Variants in HMOX2 observed in about 807,000 individuals in gnomAD.
HMOX2 encodes the protein heme oxygenase 2, also known as heme oxygenase (decycling) 2.
A neutral mutation model predicts 33.7 loss-of-function variants in HMOX2; 30 were observed. The observed-to-expected ratio is 0.89, with a 90% CI of 0.67 to 1.21. The LOEUF (loss-of-function observed/expected upper bound fraction) is 1.21. Ranked by LOEUF, HMOX2 falls within the 50% of genes most tolerant of loss-of-function variation. HMOX2 has a pLI of 0.00. For synonymous variants in HMOX2, 155 were observed against 155.0 expected (o/e 1.00, Z 0.00); for missense variants, 403 against 399.1 (o/e 1.01, Z -0.08).
chr16:4,509,480 A>C lies in HMOX2; in HGVS notation c.765A>C (p.Val255=). The C allele has an allele frequency of 1.2e-6, 2 of 1,614,148 alleles. No individual in the cohort carries two copies. The highest frequency in any genetic ancestry group is 2.2e-5 in the South Asian group (2 of 91,084). ...AGACCTTGGAGGATGGGTTCCCTGT[A>C]CACGATGGGAAAGGAGACATGCGTA... ...ARETLEDGFP[V]HDGKGDMRKC... is the part of the protein sequence containing the mutation. Residue 255 remains valine (V), a synonymous_variant, in exon 5 of 6, where the codon GTA becomes GTC. Transcript: ENST00000570646.
intron 1 of HMOX2, among the ~76,000 whole-genome samples, chr16:4,486,998 G>A (rs1023440350): frequency 2.6e-5 from 4 of 152,164 alleles, no homozygotes; most frequent in Admixed American, 6.6e-5. Context: ...GGTGGCCCAC[G>A]CCTGTAATCC....
intron 4 of HMOX2, among the ~76,000 whole-genome samples, chr16:4,509,035 ACT>A (rs2058764020): frequency 2.0e-5 from 3 of 151,874 alleles, no homozygotes; most frequent in South Asian, 4.2e-4. Context: ...GCTCCAGCTC[ACT>A]CTCTCTGGAG....
chr16:4,499,265 C>T (rs925011137), intron 1 of HMOX2, among the ~76,000 whole-genome samples: 2 of 152,218 alleles, frequency 1.3e-5, no homozygotes, highest in African/African-American at 2.4e-5. Flanking sequence ...CTTCGCAGCA[C>T]ACAGTGGATT....
At chr16:4,498,417 C>G (rs1161163608) in intron 1 of HMOX2, among the ~76,000 whole-genome samples, 32 of 151,632 alleles carry the variant, frequency 2.1e-4, no homozygotes, top group Admixed American at 2.1e-3. Flanking sequence ...ACTCCCTTGC[C>G]AGGCTGGAGT....
Position 4,506,961 on chromosome 16 carries a change from CCA to C in HMOX2, c.154_155del (p.Gln52ValfsTer11). On this transcript the variant is annotated frameshift_variant, in exon 3 of 6. Coordinates refer to ENST00000570646, the MANE Select transcript of HMOX2 (RefSeq NM_002134.4). LOFTEE classifies it high-confidence loss of function. ...KEAHDRAENT[Q>X]FVKDFLKGNI... The stretch of plus-strand genomic sequence containing the variant: ...AAGCACACGACCGGGCAGAAAACAC[CCA>C]GTTTGTCAAGGACTTCTTGAAAGGC... 6.2e-7 allele frequency: 1 copy of C among 1,614,030 alleles called. No individual in the cohort carries two copies. Among genetic ancestry groups the C allele is most frequent in the Non-Finnish European group, 8.5e-7 (1 of 1,179,942 alleles).
At chr16:4,479,724 CTATTT>C (rs1466866531) in intron 1 of HMOX2, among the ~76,000 whole-genome samples, 127 of 93,876 alleles carry the variant, frequency 1.4e-3, no homozygotes, top group African/African-American at 5.2e-3. Context: ...TTTTCTTATT[CTATTT>C]TTTTTTTTTT....
chr16:4,494,898 C>A (rs1249729044), intron 1 of HMOX2, among the ~76,000 whole-genome samples: 1 of 151,820 alleles, frequency 6.6e-6, no homozygotes, highest in Non-Finnish European at 1.5e-5. Flanking sequence ...TTTGGCCAGG[C>A]ATGGTGGTTC....
At chr16:4,484,240 C>T (rs924524263) in intron 1 of HMOX2, among the ~76,000 whole-genome samples, 12 of 152,112 alleles carry the variant, frequency 7.9e-5, no homozygotes, top group African/African-American at 2.9e-4. Flanking sequence ...TCCCAAAGTG[C>T]TGGGATTACA....
intron 1 of HMOX2, among the ~76,000 whole-genome samples, chr16:4,495,154 C>G (rs565328070): frequency 6.6e-6 from 1 of 152,184 alleles, no homozygotes; most frequent in Admixed American, 6.5e-5. Flanking sequence ...CATTCATGTG[C>G]AAATCAGGCC....
chr16:4,508,332 GTGGCCACCAGAT>G (rs960496128), intron 4 of HMOX2, 128 bp downstream of exon 4: 15 of 1,114,164 alleles, frequency 1.3e-5, no homozygotes, highest in Middle Eastern at 3.0e-4. Flanking sequence ...CGAGAGGAAG[GTGGCCACCAGAT>G]TGGCCACCAG....
intron 1 of HMOX2, among the ~76,000 whole-genome samples, chr16:4,478,399 A>G (rs1360487596): frequency 1.3e-5 from 2 of 152,140 alleles, no homozygotes; most frequent in Non-Finnish European, 1.5e-5. Context: ...TGGGCTCTAC[A>G]TCAGGATTGC....
chr16:4,494,183 G>A (rs1277906954), intron 1 of HMOX2, among the ~76,000 whole-genome samples: 1 of 152,098 alleles, frequency 6.6e-6, no homozygotes, highest in Non-Finnish European at 1.5e-5. Context: ...GGGCGTGGTG[G>A]TGGGCGCCTG....
chr16:4,474,957 T>G (rs1227806115), upstream of HMOX2: 2 of 152,192 alleles, frequency 1.3e-5, no homozygotes, highest in East Asian at 3.8e-4. Flanking sequence ...AATTTTATTA[T>G]TTTTATTTTT....
chr16:4,488,982 C>T (rs1217473622), intron 1 of HMOX2, among the ~76,000 whole-genome samples: 2 of 151,868 alleles, frequency 1.3e-5, no homozygotes, highest in Admixed American at 6.6e-5. Context: ...TGTGCCACCA[C>T]GCCCAGCTAA....
At chr16:4,481,699 T>C (rs921241082) in intron 1 of HMOX2, 2 of 152,240 alleles carry the variant, frequency 1.3e-5, no homozygotes, top group African/African-American at 2.4e-5. Context: ...CAAGATCTTA[T>C]CTTTCTTTGT....
At chr16:4,480,758 T>C (rs1005133751) in intron 1 of HMOX2, among the ~76,000 whole-genome samples, 1 of 150,928 alleles carries the variant, frequency 6.6e-6, no homozygotes. Context: ...GTTTAAGCGA[T>C]TCTCCTGCCT....
Position 4,509,596 on chromosome 16 carries a change from G to A in HMOX2, c.824-33G>A, listed in dbSNP as rs1445408385. On this transcript the variant is annotated intron_variant, in intron 5 of 5. Transcript: ENST00000570646. The stretch of plus-strand genomic sequence containing the variant: ...GGCAGGTGTAGCAGGAGACTCCACT[G>A]ATGCCATGTCTCCTATTGGTGCTGC... The A allele has an allele frequency of 2.5e-6, 4 of 1,613,686 alleles. No individual in the cohort carries two copies. In the Admixed American group the frequency reaches 6.7e-5, roughly 27 times the overall value.
intron 1 of HMOX2, among the ~76,000 whole-genome samples, chr16:4,483,009 G>A (rs1046160928): frequency 6.6e-6 from 1 of 152,026 alleles, no homozygotes; most frequent in Non-Finnish European, 1.5e-5. Flanking sequence ...CATCCAGCCT[G>A]GGCGACAGAC....
At chr16:4,501,592 G>A (rs2058559532) in intron 1 of HMOX2, among the ~76,000 whole-genome samples, 1 of 152,078 alleles carries the variant, frequency 6.6e-6, no homozygotes, top group South Asian at 2.1e-4. Context: ...TGGGGGTGGG[G>A]AACATGTAGC....
Sources: allele counts gnomAD v4.1 joint callset (sites outside exome capture counted in the v4.1 genomes callset), GRCh38; gene constraint gnomAD v4.1.1; transcripts MANE v1.5; gene names NCBI Gene and HGNC (gene_info 2026-07-23, HGNC 2026-07-21).